SLCO5A1: variants seen among roughly 807,000 people sequenced by gnomAD.
The protein encoded by SLCO5A1 is solute carrier organic anion transporter family member 5A1.
A neutral mutation model predicts 65.1 loss-of-function variants in SLCO5A1; 39 were observed. The ratio of observed to expected loss-of-function variants is 0.60; its 90% CI spans 0.46 to 0.78. The LOEUF is 0.78. Among genes scored for constraint, SLCO5A1 ranks in the 30% least tolerant of loss-of-function variants. The pLI is 0.00. For synonymous variants in SLCO5A1, 438 were observed against 415.7 expected (o/e 1.05, Z -0.65); for missense variants, 1,029 against 1,069.4 (o/e 0.96, Z 0.53).
chr8:69,820,379 A>G (rs1820581479), intron 2 of SLCO5A1, among the ~76,000 whole-genome samples: 1 of 152,198 alleles, frequency 6.6e-6, no homozygotes. Flanking sequence ...AGAAACCCCT[A>G]ACTTGTCAAA....
intron 3 of SLCO5A1, among the ~76,000 whole-genome samples, chr8:69,756,029 A>G (rs1817528586): frequency 1.3e-5 from 2 of 150,534 alleles, no homozygotes; most frequent in South Asian, 4.2e-4. Flanking sequence ...ATGTGGACCA[A>G]TATAGACTTT....
chr8:69,785,714 T>C (rs1486017987), intron 2 of SLCO5A1, among the ~76,000 whole-genome samples: 1 of 152,216 alleles, frequency 6.6e-6, no homozygotes, highest in East Asian at 1.9e-4. Context: ...CTATACCACA[T>C]GGCTTCCCAA....
At chr8:69,754,038 T>G (rs1216638682) in intron 4 of SLCO5A1, among the ~76,000 whole-genome samples, 1 of 150,252 alleles carries the variant, frequency 6.7e-6, no homozygotes, top group Non-Finnish European at 1.5e-5. Context: ...AATCAAAGAT[T>G]ATTGCTATGT....
At chr8:69,778,338 T>C in intron 2 of SLCO5A1, among the ~76,000 whole-genome samples, 1 of 151,870 alleles carries the variant, frequency 6.6e-6, no homozygotes, top group East Asian at 1.9e-4. Flanking sequence ...ATCTCAGGAA[T>C]AAAAGGAAGG....
intron 5 of SLCO5A1, among the ~76,000 whole-genome samples, chr8:69,709,323 T>A (rs904659823): frequency 9.2e-5 from 14 of 152,182 alleles, no homozygotes; most frequent in Admixed American, 9.2e-4. Context: ...AAATTTCAGC[T>A]AATGACAATG....
intron 2 of SLCO5A1, among the ~76,000 whole-genome samples, chr8:69,784,811 A>AAGAAAAAGAAAG (rs1554620797): frequency 1.4e-5 from 1 of 70,930 alleles, no homozygotes; most frequent in African/African-American, 7.8e-5. Context: ...GAAAGAAAGA[A>AAGAAAAAGAAAG]AAAGAAAGAA....
At chr8:69,738,797 A>C (rs1342605079) in intron 4 of SLCO5A1, among the ~76,000 whole-genome samples, 7 of 152,218 alleles carry the variant, frequency 4.6e-5, no homozygotes, top group Non-Finnish European at 1.0e-4. Flanking sequence ...AAGATCTCCA[A>C]AGAGGAAGGA....
At chr8:69,811,252 G>A (rs1184479020) in intron 2 of SLCO5A1, among the ~76,000 whole-genome samples, 1 of 152,214 alleles carries the variant, frequency 6.6e-6, no homozygotes, top group South Asian at 2.1e-4. Context: ...ACGTGTTTGG[G>A]GCTACCTCCC....
At chr8:69,745,203 A>G (rs959808824) in intron 4 of SLCO5A1, among the ~76,000 whole-genome samples, 2 of 152,132 alleles carry the variant, frequency 1.3e-5, no homozygotes, top group Admixed American at 1.3e-4. Context: ...TCTGTGTGCT[A>G]ATTAGTTTTT....
chr8:69,768,113 G>T (rs1818157489), intron 2 of SLCO5A1, among the ~76,000 whole-genome samples: 1 of 151,954 alleles, frequency 6.6e-6, no homozygotes, highest in Non-Finnish European at 1.5e-5. Flanking sequence ...CGCACCTGTA[G>T]TCCCAGCTAC....
At chr8:69,786,036 T>C (rs1819031035) in intron 2 of SLCO5A1, among the ~76,000 whole-genome samples, 1 of 152,194 alleles carries the variant, frequency 6.6e-6, no homozygotes, top group African/African-American at 2.4e-5. Flanking sequence ...ATTTCTGGAG[T>C]AATCTCATCA....
intron 6 of SLCO5A1, among the ~76,000 whole-genome samples, chr8:69,698,575 T>C (rs961626094): frequency 6.6e-6 from 1 of 152,254 alleles, no homozygotes; most frequent in African/African-American, 2.4e-5. Context: ...GGCATGTCAC[T>C]GTGGATTTGA....
intron 4 of SLCO5A1, among the ~76,000 whole-genome samples, chr8:69,742,901 A>G (rs1816853275): frequency 6.8e-6 from 1 of 147,398 alleles, no homozygotes; most frequent in African/African-American, 2.5e-5. Flanking sequence ...CCAGGGTTCA[A>G]GTGATTCTCC....
chr8:69,687,899 T>C (rs1814070569), intron 6 of SLCO5A1, among the ~76,000 whole-genome samples: 1 of 151,886 alleles, frequency 6.6e-6, no homozygotes, highest in Admixed American at 6.6e-5. Context: ...TATGTTAATA[T>C]AAGGGTATAG....
intron 6 of SLCO5A1, among the ~76,000 whole-genome samples, chr8:69,685,684 T>C (rs983030825): frequency 6.6e-6 from 1 of 152,152 alleles, no homozygotes; most frequent in African/African-American, 2.4e-5. Context: ...GAGGGATCTC[T>C]GAGATTATCT....
In SLCO5A1 at chr8:69,831,969, G is replaced by T; in HGVS notation, c.705C>A (p.Gly235=). 6.9e-6 allele frequency: 11 copies of T among 1,593,426 alleles called. No homozygotes were observed. The highest frequency in any genetic ancestry group is 9.4e-6 in the Non-Finnish European group (11 of 1,170,612). ...QELNASAPND[G]LCQGGNSTAT... ...CGGTGGAGTTGCCACCCTGACACAG[G>T]CCGTCGTTGGGGGCCGAGGCGTTCA... Residue 235 remains glycine (G), a synonymous_variant, in exon 2 of 10, where the codon GGC becomes GGA. Transcript: ENST00000260126.
intron 7 of SLCO5A1, among the ~76,000 whole-genome samples, chr8:69,681,316 G>A (rs1385255137): frequency 2.6e-5 from 4 of 152,112 alleles, no homozygotes; most frequent in Admixed American, 6.5e-5. Context: ...TGTAGAGGCC[G>A]GGCACAGTGG....
intron 5 of SLCO5A1, among the ~76,000 whole-genome samples, chr8:69,725,300 A>G (rs929120024): frequency 6.6e-6 from 1 of 152,124 alleles, no homozygotes. Context: ...TTTAGCAGGT[A>G]TGGGCCTGCT....
chr8:69,763,585 A>T (rs946913037), intron 2 of SLCO5A1, among the ~76,000 whole-genome samples: 1 of 128,332 alleles, frequency 7.8e-6, no homozygotes, highest in African/African-American at 2.9e-5. Flanking sequence ...ACACCACTGC[A>T]CTCCAGGCTA....
Sources: allele counts gnomAD v4.1 joint callset (sites outside exome capture counted in the v4.1 genomes callset), GRCh38; gene constraint gnomAD v4.1.1; transcripts MANE v1.5; gene names NCBI Gene and HGNC (gene_info 2026-07-23, HGNC 2026-07-21).